ST14: variants seen among roughly 807,000 people sequenced by gnomAD.
The protein encoded by ST14 is ST14 transmembrane serine protease matriptase.
ST14 carries 40 observed loss-of-function variants against 96.5 expected under a neutral mutation model. The observed-to-expected ratio is 0.41, with a 90% confidence interval of 0.32 to 0.54. The LOEUF is 0.54. ST14 is among the 20% of genes least tolerant of loss of function. The pLI, the probability that ST14 is intolerant of heterozygous loss-of-function variation, is 0.17. For synonymous variants in ST14, 506 were observed against 492.1 expected (o/e 1.03, Z -0.37); for missense variants, 1,066 against 1,188.9 (o/e 0.90, Z 1.52).
chr11:130,165,290 T>A (rs6590448), intron 1 of ST14, among the ~76,000 whole-genome samples: 43,474 of 152,106 alleles, frequency 0.29, 12,036 homozygotes, highest in African/African-American at 0.72. Flanking sequence ...TCTTCTCAGG[T>A]TGTTTCTGAG....
chr11:130,195,638 AGGTCAGG>A (rs1953352676), intron 9 of ST14, among the ~76,000 whole-genome samples: 1 of 151,746 alleles, frequency 6.6e-6, no homozygotes, highest in East Asian at 2.0e-4. Flanking sequence ...GTGGATCACG[AGGTCAGG>A]AGTTCGAGAC....
chr11:130,181,652 C>T lies in ST14; in HGVS notation c.82-6462C>T, dbSNP rs61317951. ...TCCCTGAGACCTCCCCCTCCCACCT[C>T]CCCCACCCAGGAGTTAAAAGAGCTT... On this transcript the variant is annotated intron_variant, in intron 1 of 18. Transcript: ENST00000278742. This position sits in a 1 kb window ranked among gnomAD's most constrained non-coding sequence, Gnocchi z 4.1. 0.048 allele frequency among the ~76,000 whole-genome samples: 7,258 copies of T among 151,210 alleles called. 206 individuals are homozygous for T. Among genetic ancestry groups the T allele is most frequent in the East Asian group, 0.15 (782 of 5,088 alleles).
chr11:130,190,032 C>T (rs1378696145), intron 5 of ST14, 81 bp from the exon 6 acceptor site: 14 of 1,611,366 alleles, frequency 8.7e-6, no homozygotes, highest in African/African-American at 1.3e-5. Flanking sequence ...TGGCCGGGCA[C>T]CTCCCTTTAG....
chr11:130,169,840 TGAAAA>T (rs1953074220), intron 1 of ST14, among the ~76,000 whole-genome samples: 1 of 152,202 alleles, frequency 6.6e-6, no homozygotes, highest in African/African-American at 2.4e-5. Flanking sequence ...AGAAAACGAA[TGAAAA>T]GAAGTTACTA....
intron 1 of ST14, among the ~76,000 whole-genome samples, chr11:130,178,113 A>C (rs1431403212): frequency 6.6e-6 from 1 of 152,354 alleles, no homozygotes; most frequent in East Asian, 1.9e-4. Context: ...ACATAATAAT[A>C]TTCTTAACCA....
chr11:130,186,414 T>A (rs1953238530), intron 1 of ST14, among the ~76,000 whole-genome samples: 1 of 152,186 alleles, frequency 6.6e-6, no homozygotes, highest in Non-Finnish European at 1.5e-5. Context: ...GTGAAGGAAG[T>A]TCCAGACAAC....
intron 1 of ST14, among the ~76,000 whole-genome samples, chr11:130,167,641 G>A (rs577997418): frequency 6.6e-6 from 1 of 152,350 alleles, no homozygotes; most frequent in East Asian, 1.9e-4. Flanking sequence ...GAGTCTGGGA[G>A]GGAGGTGTTG....
chr11:130,196,509 G>C, intron 10 of ST14, 61 bp downstream of exon 10: 1 of 1,575,256 alleles, frequency 6.3e-7, no homozygotes, highest in Middle Eastern at 1.7e-4. Flanking sequence ...GGTCCCACCA[G>C]ACCCCCAGCC....
At chr11:130,177,103 T>G (rs1953146277) in intron 1 of ST14, among the ~76,000 whole-genome samples, 1 of 150,912 alleles carries the variant, frequency 6.6e-6, no homozygotes, top group African/African-American at 2.4e-5. Flanking sequence ...TGGCGGGGCT[T>G]AACATTTTTA....
intron 16 of ST14, among the ~76,000 whole-genome samples, chr11:130,202,376 G>A (rs530545525): frequency 2.0e-5 from 3 of 152,302 alleles, no homozygotes; most frequent in Non-Finnish European, 4.4e-5. Context: ...TGTAAGGGTA[G>A]GGACAAGACA....
At chr11:130,196,298 G>T in intron 9 of ST14, 41 bp from the exon 10 acceptor site, 1 of 1,494,232 alleles carries the variant, frequency 6.7e-7, no homozygotes. Context: ...CAGGGAGGAG[G>T]GAGGGGAACT....
At chr11:130,198,835 C>T in intron 14 of ST14, 112 bp from the exon 15 acceptor site, 1 of 1,601,480 alleles carries the variant, frequency 6.2e-7, no homozygotes, top group Non-Finnish European at 8.5e-7. Flanking sequence ...GTGGGGCAGG[C>T]CTGGGTGAGG....
At chr11:130,171,174 A>G (rs1445277786) in intron 1 of ST14, among the ~76,000 whole-genome samples, 1 of 152,218 alleles carries the variant, frequency 6.6e-6, no homozygotes, top group African/African-American at 2.4e-5. Flanking sequence ...TAATGTGTAC[A>G]ACCTGATGAG....
At chr11:130,162,687 G>A (rs944578198) in intron 1 of ST14, among the ~76,000 whole-genome samples, 4 of 152,202 alleles carry the variant, frequency 2.6e-5, no homozygotes, top group Admixed American at 1.3e-4. Context: ...TAGCAGTGAG[G>A]AAGACCCTAG....
chr11:130,194,851 C>CGTGTGT (rs1555154607), intron 9 of ST14, 114 bp downstream of exon 9: 28 of 884,666 alleles, frequency 3.2e-5, no homozygotes, highest in Middle Eastern at 2.4e-4. Flanking sequence ...CATATGTGTG[C>CGTGTGT]ATGTGTGTGT....
intron 16 of ST14, among the ~76,000 whole-genome samples, chr11:130,206,143 T>C (rs1953484730): frequency 6.6e-6 from 1 of 152,258 alleles, no homozygotes; most frequent in Non-Finnish European, 1.5e-5. Flanking sequence ...TTGACATTTT[T>C]GAAAAGTTCG....
intron 1 of ST14, 34 bp downstream of exon 1, chr11:130,160,094 A>C: frequency 7.3e-7 from 1 of 1,370,736 alleles, no homozygotes; most frequent in Non-Finnish European, 9.6e-7. Flanking sequence ...GGCGCTGGGA[A>C]GCTCCTGCCC....
intron 1 of ST14, among the ~76,000 whole-genome samples, chr11:130,180,530 G>C (rs1009272997): frequency 3.3e-5 from 5 of 152,206 alleles, no homozygotes; most frequent in Admixed American, 6.5e-5. Context: ...GGATAACCAT[G>C]CTCTGAGCAG....
At chr11:130,194,077 G>C (rs1476471727) in intron 7 of ST14, 72 bp from the exon 8 acceptor site, 3 of 1,609,824 alleles carry the variant, frequency 1.9e-6, no homozygotes, top group Non-Finnish European at 1.7e-6. Flanking sequence ...CTCTGCCTGA[G>C]AGCCTGGTTT....
Sources: gnomAD v4.1 joint callset for allele counts (sites outside exome capture counted in the v4.1 genomes callset) on GRCh38, gnomAD v4.1.1 for gene constraint, Gnocchi (gnomAD v3.1) non-coding constraint, MANE v1.5 for transcripts, NCBI Gene and HGNC (gene_info 2026-07-23, HGNC 2026-07-21) for gene names.